ZNF503: variants seen among roughly 807,000 people sequenced by gnomAD.
ZNF503 encodes the protein NocA-like zinc finger 2.
ZNF503 carries 15 observed loss-of-function variants against 34.4 expected under a neutral mutation model. The ratio of observed to expected loss-of-function variants is 0.44; its 90% CI spans 0.29 to 0.67. The LOEUF is 0.67. Among genes scored for constraint, ZNF503 ranks in the 30% least tolerant of loss-of-function variants. ZNF503 has a pLI of 0.13. For missense variants in ZNF503, 1,007 were observed against 926.8 expected, an observed-to-expected ratio of 1.09 and a Z score of -1.12; for synonymous variants, 580 against 456.8, an observed-to-expected ratio of 1.27 and a Z score of -3.44.
chr10:75,363,766 T>G, the ZNF503 span, among the ~76,000 whole-genome samples: 1 of 152,214 alleles, frequency 6.6e-6, no homozygotes. Context: ...CCTAGCTGTT[T>G]TACATATAAG....
At chr10:75,387,684 T>A in the ZNF503 span, among the ~76,000 whole-genome samples, 1 of 151,800 alleles carries the variant, frequency 6.6e-6, no homozygotes, top group African/African-American at 2.4e-5. Flanking sequence ...CACAAATGAG[T>A]TGAGTTAGGG....
At chr10:75,396,020 C>T (rs1472496507), downstream of ZNF503, among the ~76,000 whole-genome samples, 1 of 152,142 alleles carries the variant, frequency 6.6e-6, no homozygotes, top group Non-Finnish European at 1.5e-5. This position sits in a 1 kb window ranked among gnomAD's most constrained non-coding sequence, Gnocchi z 4.4. Context: ...GTCGCAGTGG[C>T]CAGGAGCGCG....
the ZNF503 span, among the ~76,000 whole-genome samples, chr10:75,323,131 T>C: frequency 6.6e-6 from 1 of 152,208 alleles, no homozygotes; most frequent in South Asian, 2.1e-4. Context: ...TGTAGCCTTC[T>C]GGCTCTGACT....
the ZNF503 span, among the ~76,000 whole-genome samples, chr10:75,383,798 C>A: frequency 2.0e-5 from 3 of 152,248 alleles, no homozygotes; most frequent in Non-Finnish European, 2.9e-5. Context: ...ACACCAGGTA[C>A]AAACCCTGTC....
the ZNF503 span, among the ~76,000 whole-genome samples, chr10:75,290,581 C>T: frequency 2.0e-5 from 3 of 152,162 alleles, no homozygotes; most frequent in Admixed American, 2.0e-4. Flanking sequence ...TGGGAATTAG[C>T]CTCCTTCTCT....
At position 75,399,066 on chromosome 10, in the gene ZNF503, G is replaced by A; in HGVS notation, c.1624C>T (p.His542Tyr). 1 of 1,613,434 alleles carries A rather than the reference G, an allele frequency of 6.2e-7. No homozygotes were observed. Among genetic ancestry groups the A allele is most frequent in the Non-Finnish European group, 8.5e-7 (1 of 1,179,846 alleles). Residue 542 changes from histidine to tyrosine, a missense_variant, in exon 2 of 2, where the codon CAT becomes TAT. Coordinates refer to ENST00000372524, the MANE Select transcript of ZNF503 (RefSeq NM_032772.6). Reference sequence around the variant, plus strand: ...TTGTCTGTCCCGGGAAATGCCGTATGGGTCCGCAAGTGGCTCAGCAGCTCT... The same window carrying A: ...TTGTCTGTCCCGGGAAATGCCGTATAGGTCCGCAAGTGGCTCAGCAGCTCT... ...SEELLSHLRT[H>Y]TAFPGTDKLL...
In ZNF503 at chr10:75,399,565, C is replaced by T. The variant is rs772122331; in HGVS notation, c.1125G>A (p.Leu375=). ...GAYAGYPPQF[L]PHGVALDPTK... ...TGGGGTCAAGTGCCACGCCGTGTGGCAGGAACTGGGGCGGGTAGCCGGCGT... is the reference window on the plus strand; with the variant it reads ...TGGGGTCAAGTGCCACGCCGTGTGGTAGGAACTGGGGCGGGTAGCCGGCGT... The change falls in exon 2 of 2, where the codon CTG becomes CTA. Residue 375 remains leucine (L), a synonymous_variant. Transcript: ENST00000372524. The T allele has an allele frequency of 1.6e-5, 25 of 1,596,000 alleles. No individual in the cohort carries two copies. The highest frequency in any genetic ancestry group is 2.2e-5 in the South Asian group (2 of 90,762).
At chr10:75,364,248 T>G in the ZNF503 span, among the ~76,000 whole-genome samples, 1 of 152,220 alleles carries the variant, frequency 6.6e-6, no homozygotes, top group African/African-American at 2.4e-5. Flanking sequence ...GACTGGGTGC[T>G]GAAGCCAGAG....
the ZNF503 span, among the ~76,000 whole-genome samples, chr10:75,309,983 G>A: frequency 4.6e-5 from 7 of 152,072 alleles, no homozygotes; most frequent in Non-Finnish European, 1.0e-4. Flanking sequence ...CATGGTGAAA[G>A]GACACATTCC....
At chr10:75,322,127 A>ATT in the ZNF503 span, among the ~76,000 whole-genome samples, 31,707 of 140,130 alleles carry the variant, frequency 0.23, 4,281 homozygotes, top group African/African-American at 0.34. Context: ...ACCACCACCA[A>ATT]TTTTTTTTTT....
the ZNF503 span, among the ~76,000 whole-genome samples, chr10:75,389,334 C>G: frequency 1.4e-4 from 22 of 152,334 alleles, no homozygotes; most frequent in African/African-American, 4.3e-4. Context: ...GGGGTCTCCT[C>G]TTCTCTTCTC....
the ZNF503 span, among the ~76,000 whole-genome samples, chr10:75,331,727 C>A: frequency 2.3e-4 from 35 of 152,110 alleles, no homozygotes; most frequent in African/African-American, 2.9e-4. Context: ...GAACACCTGG[C>A]CTTAAGTGAT....
At chr10:75,333,611 CG>C in the ZNF503 span, among the ~76,000 whole-genome samples, 1 of 75,192 alleles carries the variant, frequency 1.3e-5, no homozygotes, top group East Asian at 3.7e-4. Context: ...TCCTCCCGGA[CG>C]GCACGGCTGG....
chr10:75,293,853 TGTCATGCTGTGGTCCAGGAAA>T, the ZNF503 span, among the ~76,000 whole-genome samples: 9 of 152,188 alleles, frequency 5.9e-5, no homozygotes, highest in Non-Finnish European at 8.8e-5. Context: ...AGACTTCTGT[TGTCATGCTGTGGTCCAGGAAA>T]GTCCTGGACT....
At chr10:75,290,362 C>G in the ZNF503 span, among the ~76,000 whole-genome samples, 2 of 152,162 alleles carry the variant, frequency 1.3e-5, no homozygotes, top group Non-Finnish European at 2.9e-5. Context: ...GGCTGTGGGT[C>G]AGATACCTCT....
the ZNF503 span, among the ~76,000 whole-genome samples, chr10:75,311,904 A>ATTT: frequency 6.0e-4 from 87 of 145,330 alleles, no homozygotes; most frequent in African/African-American, 2.1e-3. Flanking sequence ...CACCCAGCTA[A>ATTT]TTTTTTTTTT....
downstream of ZNF503, among the ~76,000 whole-genome samples, chr10:75,394,029 T>C (rs1486243764): frequency 6.6e-6 from 1 of 152,210 alleles, no homozygotes; most frequent in African/African-American, 2.4e-5. Context: ...GCTTTAAAAC[T>C]TCATCAGGCA....
the ZNF503 span, among the ~76,000 whole-genome samples, chr10:75,333,351 G>A: frequency 2.4e-5 from 1 of 41,956 alleles, no homozygotes; most frequent in Non-Finnish European, 4.6e-5. Flanking sequence ...TTCCCAGTAG[G>A]GGCGGCCGGG....
chr10:75,387,530 C>T, the ZNF503 span, among the ~76,000 whole-genome samples: 12 of 152,276 alleles, frequency 7.9e-5, no homozygotes, highest in African/African-American at 2.6e-4. Context: ...TAAATGGTAT[C>T]GATAATCATA....
Sources: allele counts gnomAD v4.1 joint callset (sites outside exome capture counted in the v4.1 genomes callset), GRCh38; gene constraint gnomAD v4.1.1; non-coding constraint Gnocchi (gnomAD v3.1); transcripts MANE v1.5; gene names NCBI Gene and HGNC (gene_info 2026-07-23, HGNC 2026-07-21).